Variants in MMP17 observed in about 807,000 individuals in gnomAD.
MMP17 encodes matrix metalloproteinase-17.
MMP17 carries 54 observed loss-of-function variants against 49.1 expected under a neutral mutation model. The observed-to-expected ratio is 1.10, with a 90% CI of 0.88 to 1.38. MMP17 has a LOEUF of 1.38. Ranked by LOEUF, MMP17 falls within the 40% of genes most tolerant of loss-of-function variation. The probability of loss-of-function intolerance (pLI) is 0.00; values close to 1 mark genes in which losing one functional copy is unlikely to be tolerated. For missense variants in MMP17, 837 were observed against 853.7 expected (o/e 0.98, Z 0.24); for synonymous variants, 397 against 383.1 (o/e 1.04, Z -0.42).
intron 1 of MMP17, among the ~76,000 whole-genome samples, chr12:131,830,841 C>CGGGCTTTCAGGAG (rs1161080846): frequency 3.9e-5 from 6 of 152,216 alleles, no homozygotes; most frequent in Non-Finnish European, 1.5e-5. Flanking sequence ...TTTCAGGAGC[C>CGGGCTTTCAGGAG]CCCGGCGGGG....
At chr12:131,841,942 C>G in intron 5 of MMP17, 142 bp downstream of exon 5, 1 of 952,746 alleles carries the variant, frequency 1.0e-6, no homozygotes, top group South Asian at 1.7e-5. Context: ...CTGGGACGCT[C>G]TGGCCTGTCC....
intron 9 of MMP17, among the ~76,000 whole-genome samples, chr12:131,850,691 G>C (rs1887927668): frequency 6.6e-6 from 1 of 152,144 alleles, no homozygotes; most frequent in Admixed American, 6.5e-5. Context: ...AGCAGATGCT[G>C]ACCCCATCTC....
Position 131,840,614 on chromosome 12 carries a change from C to A in MMP17, c.464C>A (p.Thr155Lys), listed in dbSNP as rs376422502. Reference sequence around the variant, plus strand: ...CGGGACTCACCACTGGGGCACGACACGGTGCGTGCACTCATGTACTACGCC... The same window carrying A: ...CGGGACTCACCACTGGGGCACGACAAGGTGCGTGCACTCATGTACTACGCC... ...FPRDSPLGHD[T>K]VRALMYYALK... is the part of the protein sequence containing the mutation. The change falls in exon 4 of 10, where the codon ACG (threonine) becomes AAG (lysine). Residue 155 changes from threonine (T) to lysine (K), a missense_variant. Thr to Lys is a moderately conservative substitution (Grantham distance 78, BLOSUM62 -1). Transcript: ENST00000360564. The A allele has an allele frequency of 2.5e-6, 4 of 1,604,320 alleles. No individual in the cohort carries two copies. In the South Asian group the frequency reaches 4.4e-5, roughly 18 times the overall value.
chr12:131,840,743 A>G lies in MMP17; in HGVS notation c.593A>G (p.Tyr198Cys). Residue 198 changes from tyrosine (Y) to cysteine (C), a missense_variant, in exon 4 of 10, where the codon TAC becomes TGC. Physicochemically the swap from Tyr to Cys is radical, Grantham distance 194 (BLOSUM62 -2). Transcript: ENST00000360564. Reference sequence around the variant, plus strand: ...TCCAAGGCCGACCATAACGACGGCTACCCCTTCGACGGCCCCGGCGGCACC... The same window carrying G: ...TCCAAGGCCGACCATAACGACGGCTGCCCCTTCGACGGCCCCGGCGGCACC... ...DFSKADHNDG[Y>C]PFDGPGGTVA... 6.2e-7 allele frequency: 1 copy of G among 1,604,218 alleles called. No homozygotes were observed. The highest frequency in any genetic ancestry group is 8.5e-7 in the Non-Finnish European group (1 of 1,179,888).
chr12:131,831,193 C>G (rs899911592), intron 1 of MMP17, among the ~76,000 whole-genome samples: 7 of 152,236 alleles, frequency 4.6e-5, no homozygotes, highest in African/African-American at 1.4e-4. Flanking sequence ...GAGAGTGTCT[C>G]GGGATCTGGG....
rs1029003086 is a variant in MMP17, at chr12:131,849,938, G to A, written c.1341G>A (p.Lys447=). 6.2e-7 allele frequency: 1 copy of A among 1,613,926 alleles called. No homozygotes were observed. Among genetic ancestry groups the A allele is most frequent in the Non-Finnish European group, 8.5e-7 (1 of 1,180,008 alleles). ...ACAATGACAGGACTTATTTCTTTAA[G>A]GACCAGCTGTACTGGCGCTACGATG... ...WAHNDRTYFF[K]DQLYWRYDDH... The change falls in exon 9 of 10, where the codon AAG becomes AAA. Residue 447 remains lysine (K), a synonymous_variant. Coordinates refer to ENST00000360564, the MANE Select transcript of MMP17 (RefSeq NM_016155.7).
rs1437175103 is a variant in MMP17 at position 131,837,922 on chromosome 12, G to T, written c.160-273G>T. The T allele has an allele frequency of 1.3e-5, 4 of 299,596 alleles. No individual in the cohort carries two copies. The Admixed American group carries it at 1.9e-4, about 14-fold the overall frequency. 18.6% of individuals were successfully genotyped at this position (299,596 alleles called of 1,614,324 possible). A position where few individuals can be genotyped will look rare whatever the true frequency, so the allele number is the denominator to read the frequency against. On this transcript the variant is annotated intron_variant, in intron 1 of 9. Transcript: ENST00000360564. ...AGACGGGGTTTCACCATATTAGCTA[G>T]GATGGTCTCCATCTCCTGACCTCAT...
chr12:131,850,557 G>GC (rs1292316282), intron 9 of MMP17, among the ~76,000 whole-genome samples: 1 of 152,130 alleles, frequency 6.6e-6, no homozygotes, highest in African/African-American at 2.4e-5. Flanking sequence ...CACAGAGTGG[G>GC]CCCTCAATAA....
At chr12:131,849,349 T>G (rs1446215949) in intron 8 of MMP17, among the ~76,000 whole-genome samples, 4 of 151,536 alleles carry the variant, frequency 2.6e-5, no homozygotes, top group Non-Finnish European at 4.4e-5. Flanking sequence ...CTGGGTGTGG[T>G]GGTGGGCGCC....
At chr12:131,839,745 C>T (rs1359966609) in intron 3 of MMP17, among the ~76,000 whole-genome samples, 2 of 152,026 alleles carry the variant, frequency 1.3e-5, no homozygotes, top group African/African-American at 2.4e-5. Context: ...GTCAGGAGTT[C>T]GAGACCAGCC....
Position 131,845,430 on chromosome 12 carries a change from C to T in MMP17, c.1185C>T (p.His395=), listed in dbSNP as rs1392027485. ...VDAVYERTSD[H]KIVFFKGDRY... is the part of the protein sequence containing the mutation. ...CCGTGTACGAGCGCACCAGCGACCACAAGATCGTCTTCTTTAAAGGTGGGT... is the reference window on the plus strand; with the variant it reads ...CCGTGTACGAGCGCACCAGCGACCATAAGATCGTCTTCTTTAAAGGTGGGT... The change falls in exon 8 of 10, where the codon CAC becomes CAT. Residue 395 remains histidine, a synonymous_variant. Coordinates refer to ENST00000360564, the MANE Select transcript of MMP17 (RefSeq NM_016155.7). 1.3e-6 allele frequency: 2 copies of T among 1,573,656 alleles called. No homozygotes were observed. The highest frequency in any genetic ancestry group is 1.7e-5 in the Admixed American group (1 of 57,792).
chr12:131,843,989 TC>T lies in MMP17; in HGVS notation c.884-5del. 6.5e-7 allele frequency: 1 copy of T among 1,543,710 alleles called. No individual in the cohort carries two copies. The highest frequency in any genetic ancestry group is 8.7e-7 in the Non-Finnish European group (1 of 1,145,434). On this transcript the variant is annotated splice_polypyrimidine_tract_variant and splice_region_variant and intron_variant, in intron 5 of 9. Transcript: ENST00000360564. ...GTTTGAGGCCGTCCTCCTCCTTGTC[TC>T]CCGCAGGTGTGCGGGAGTCTGTGTC...
chr12:131,839,226 G>A (rs559017549), intron 3 of MMP17, among the ~76,000 whole-genome samples: 42 of 152,166 alleles, frequency 2.8e-4, no homozygotes, highest in African/African-American at 9.2e-4. Flanking sequence ...CTCCTCTCCC[G>A]TGTCTCCAGG....
chr12:131,843,405 C>G (rs1465148155), intron 5 of MMP17, among the ~76,000 whole-genome samples: 1 of 151,640 alleles, frequency 6.6e-6, no homozygotes, highest in African/African-American at 2.4e-5. Context: ...ACTATCACAC[C>G]TGGCTAATTT....
intron 8 of MMP17, 35 bp from the exon 9 acceptor site, chr12:131,849,767 G>A (rs778478120): frequency 1.2e-5 from 19 of 1,587,206 alleles, no homozygotes; most frequent in Non-Finnish European, 1.5e-5. Context: ...GGGTGGGGCC[G>A]AGCCCCGGCC....
chr12:131,828,695 A>G (rs1886639585), intron 1 of MMP17, 42 bp downstream of exon 1: 1 of 233,102 alleles, frequency 4.3e-6, no homozygotes, highest in Non-Finnish European at 7.6e-6. Context: ...CCTGGGCCGG[A>G]GCCGGGGGTC....
chr12:131,829,840 C>T (rs1886702177), intron 1 of MMP17, among the ~76,000 whole-genome samples: 2 of 152,232 alleles, frequency 1.3e-5, no homozygotes, highest in South Asian at 4.1e-4. Context: ...CCCCAGGCCC[C>T]GAAGCCATCT....
chr12:131,847,739 G>A (rs192082853), intron 8 of MMP17, among the ~76,000 whole-genome samples: 19 of 152,370 alleles, frequency 1.2e-4, no homozygotes, highest in Non-Finnish European at 1.8e-4. Context: ...GGTGATGTTC[G>A]CTGTGGTCAC....
intron 8 of MMP17, 118 bp downstream of exon 8, chr12:131,845,567 A>G: frequency 1.5e-6 from 2 of 1,327,642 alleles, no homozygotes; most frequent in Non-Finnish European, 2.0e-6. Context: ...CTGGTCGAGC[A>G]CAGAGCAGCT....
Sources: allele counts gnomAD v4.1 joint callset (sites outside exome capture counted in the v4.1 genomes callset), GRCh38; gene constraint gnomAD v4.1.1; transcripts MANE v1.5; gene names NCBI Gene and HGNC (gene_info 2026-07-23, HGNC 2026-07-21).